Variants in TRHDE observed in about 807,000 individuals in gnomAD.
TRHDE encodes thyrotropin releasing hormone degrading enzyme, also known as thyrotropin-releasing hormone-degrading ectoenzyme.
Under a neutral mutation model 125.7 loss-of-function variants are expected in TRHDE, and 72 were observed. That is an observed-to-expected ratio of 0.57 (90% CI 0.47 to 0.70). TRHDE has a LOEUF of 0.70. Ranked by LOEUF, TRHDE falls within the 30% of genes least tolerant of loss-of-function variation. The pLI is 0.00. For synonymous variants in TRHDE, 509 were observed against 509.1 expected, an observed-to-expected ratio of 1.00 and a Z score of 0.00; for missense variants, 1,110 against 1,327.1, an observed-to-expected ratio of 0.84 and a Z score of 2.54.
At chr12:72,295,482 C>A (rs1880260042) in intron 2 of TRHDE, among the ~76,000 whole-genome samples, 1 of 152,068 alleles carries the variant, frequency 6.6e-6, no homozygotes. Context: ...AGAAGGGATG[C>A]TGGGCAAAAA....
chr12:72,468,275 A>G (rs1016651219), intron 3 of TRHDE, among the ~76,000 whole-genome samples: 2 of 152,130 alleles, frequency 1.3e-5, no homozygotes, highest in African/African-American at 2.4e-5. Context: ...TTTCCTCGAC[A>G]TTGTCTTTCT....
At chr12:72,458,095 T>C (rs1044621065) in intron 3 of TRHDE, among the ~76,000 whole-genome samples, 4 of 152,114 alleles carry the variant, frequency 2.6e-5, no homozygotes, top group African/African-American at 9.7e-5. Context: ...TAACAGAGCA[T>C]TGGTTTTACC....
intron 2 of TRHDE, among the ~76,000 whole-genome samples, chr12:72,182,098 G>A (rs980160796): frequency 2.6e-5 from 4 of 152,090 alleles, no homozygotes; most frequent in African/African-American, 9.7e-5. Context: ...ACAGGTGAAT[G>A]GTATTTTAGA....
At chr12:72,392,595 A>G (rs1187971058) in intron 3 of TRHDE, among the ~76,000 whole-genome samples, 3 of 152,204 alleles carry the variant, frequency 2.0e-5, no homozygotes, top group African/African-American at 7.2e-5. Flanking sequence ...CTCAGTTACA[A>G]TTATGCCACT....
intron 7 of TRHDE, among the ~76,000 whole-genome samples, chr12:72,547,045 G>A (rs1418504816): frequency 1.3e-5 from 2 of 151,718 alleles, no homozygotes; most frequent in Non-Finnish European, 3.0e-5. Flanking sequence ...GTGCACAGGA[G>A]TGTAGATGGC....
At chr12:72,616,423 T>G (rs1872813835) in intron 12 of TRHDE, among the ~76,000 whole-genome samples, 1 of 152,268 alleles carries the variant, frequency 6.6e-6, no homozygotes, top group Admixed American at 6.5e-5. Flanking sequence ...AATGGGTGTC[T>G]GTCTCTTAGT....
intron 2 of TRHDE, among the ~76,000 whole-genome samples, chr12:72,169,829 G>A (rs1442786199): frequency 6.6e-6 from 1 of 152,120 alleles, no homozygotes. Context: ...CATTCTTGGG[G>A]TTAGAACTTC....
intron 2 of TRHDE, among the ~76,000 whole-genome samples, chr12:72,238,844 A>G (rs1878417285): frequency 6.6e-6 from 1 of 152,184 alleles, no homozygotes; most frequent in African/African-American, 2.4e-5. Context: ...TGATGCCACA[A>G]TAAACATATG....
intron 2 of TRHDE, among the ~76,000 whole-genome samples, chr12:72,172,335 C>T (rs978042094): frequency 6.6e-6 from 1 of 152,158 alleles, no homozygotes; most frequent in Non-Finnish European, 1.5e-5. Flanking sequence ...AGATACAATT[C>T]TAAGCCTTTC....
At chr12:72,166,242 A>G (rs1177050099) in intron 2 of TRHDE, among the ~76,000 whole-genome samples, 20 of 152,180 alleles carry the variant, frequency 1.3e-4, no homozygotes, top group Admixed American at 1.3e-3. Flanking sequence ...CCACTGCCAT[A>G]TATGTGGTTC....
chr12:72,434,140 T>A (rs1874628039), intron 3 of TRHDE, among the ~76,000 whole-genome samples: 1 of 152,028 alleles, frequency 6.6e-6, no homozygotes, highest in African/African-American at 2.4e-5. Context: ...GTCTCAGCAC[T>A]TTGGGAGGCT....
intron 15 of TRHDE, among the ~76,000 whole-genome samples, chr12:72,637,415 T>C (rs533690595): frequency 6.6e-6 from 1 of 152,302 alleles, no homozygotes; most frequent in African/African-American, 2.4e-5. Context: ...TTAGTCTTGC[T>C]AGCGGTCTAT....
chr12:72,332,020 T>A (rs1050489737), intron 2 of TRHDE, among the ~76,000 whole-genome samples: 3 of 152,166 alleles, frequency 2.0e-5, no homozygotes, highest in Non-Finnish European at 4.4e-5. Flanking sequence ...AGCATGGTAT[T>A]GGCACCTGCT....
At chr12:72,456,176 C>CACACACACAG (rs796569778) in intron 3 of TRHDE, among the ~76,000 whole-genome samples, 51 of 140,518 alleles carry the variant, frequency 3.6e-4, no homozygotes, top group East Asian at 1.9e-3. Flanking sequence ...CACACACACA[C>CACACACACAG]AGAGACTCAG....
chr12:72,608,790 C>A (rs978259860), intron 12 of TRHDE, among the ~76,000 whole-genome samples: 2 of 152,148 alleles, frequency 1.3e-5, no homozygotes, highest in African/African-American at 4.8e-5. Context: ...TTTTCTTTTA[C>A]TAGAACATGG....
intron 12 of TRHDE, among the ~76,000 whole-genome samples, chr12:72,591,466 A>G (rs1280369617): frequency 6.6e-6 from 1 of 152,130 alleles, no homozygotes; most frequent in East Asian, 1.9e-4. Flanking sequence ...AAATATACAT[A>G]TAATGTATGC....
intron 2 of TRHDE, among the ~76,000 whole-genome samples, chr12:72,112,677 A>T (rs1875345483): frequency 1.3e-5 from 2 of 152,180 alleles, no homozygotes; most frequent in Non-Finnish European, 2.9e-5. Context: ...ACATCGTAAG[A>T]ATTCAATGTA....
intron 17 of TRHDE, among the ~76,000 whole-genome samples, chr12:72,653,983 C>T (rs1874609450): frequency 6.6e-6 from 1 of 152,100 alleles, no homozygotes; most frequent in African/African-American, 2.4e-5. Flanking sequence ...ACACTCTATC[C>T]ATAGGTATTT....
At chr12:72,504,122 G>A (rs1420943398) in intron 6 of TRHDE, among the ~76,000 whole-genome samples, 1 of 152,026 alleles carries the variant, frequency 6.6e-6, no homozygotes, top group Non-Finnish European at 1.5e-5. Context: ...GGGGAGTAGA[G>A]GGGAACTGTA....
Sources: gnomAD v4.1 joint callset for allele counts (sites outside exome capture counted in the v4.1 genomes callset) on GRCh38, gnomAD v4.1.1 for gene constraint, MANE v1.5 for transcripts, NCBI Gene and HGNC (gene_info 2026-07-23, HGNC 2026-07-21) for gene names.